ENAH: variants seen among roughly 807,000 people sequenced by gnomAD.
The protein encoded by ENAH is protein enabled homolog.
In ENAH, 23 loss-of-function variants were observed where a neutral mutation model predicts 78.7. The ratio of observed to expected loss-of-function variants is 0.29; its 90% CI spans 0.21 to 0.41. The LOEUF is 0.41. Among genes scored for constraint, ENAH ranks in the 10% least tolerant of loss-of-function variants. The probability of loss-of-function intolerance (pLI) is 1.00; values close to 1 mark genes in which losing one functional copy is unlikely to be tolerated. For synonymous variants in ENAH, 226 were observed against 241.0 expected (o/e 0.94, Z 0.58); for missense variants, 544 against 691.0 (o/e 0.79, Z 2.39).
intron 1 of ENAH, among the ~76,000 whole-genome samples, chr1:225,623,420 T>C (rs974644788): frequency 6.6e-6 from 1 of 152,078 alleles, no homozygotes; most frequent in Non-Finnish European, 1.5e-5. Context: ...ATAATTTCAC[T>C]TGTATATTCA....
At chr1:225,502,635 A>T (rs951135650) in intron 11 of ENAH, among the ~76,000 whole-genome samples, 1 of 152,234 alleles carries the variant, frequency 6.6e-6, no homozygotes, top group Admixed American at 6.5e-5. Context: ...AGAAAATTTC[A>T]TTCAATAAGC....
chr1:225,568,727 AAG>A (rs1353565839), intron 1 of ENAH, among the ~76,000 whole-genome samples: 1 of 152,172 alleles, frequency 6.6e-6, no homozygotes, highest in Non-Finnish European at 1.5e-5. Flanking sequence ...TAACCCATCC[AAG>A]AGGGATAATG....
chr1:225,556,286 T>C (rs1575515019), intron 2 of ENAH, among the ~76,000 whole-genome samples: 1 of 152,332 alleles, frequency 6.6e-6, no homozygotes, highest in South Asian at 2.1e-4. Flanking sequence ...AAATTCCAAG[T>C]AGCTTTCCAA....
chr1:225,519,549 G>T lies in ENAH; in HGVS notation c.451C>A (p.Gln151Lys). The change falls in exon 5 of 14, where the codon CAA (glutamine) becomes AAA (lysine). Residue 151 changes from glutamine to lysine, a missense_variant. Gln to Lys is a moderately conservative substitution (Grantham distance 53). This residue lies in a region of ENAH where 366 missense variants were observed against 396.1 expected (regional missense o/e 0.92). Transcript: ENST00000366843. The stretch of plus-strand genomic sequence containing the variant: ...TCCCGCTCCAGCTCCTTTTGCCGTT[G>T]CTGTTCTTGTAGTTGTCTGGAAAAA... ...EIQRRQLQEQ[Q>K]RQKELERERL... 6.2e-7 allele frequency: 1 copy of T among 1,607,282 alleles called. No individual in the cohort carries two copies.
intron 2 of ENAH, among the ~76,000 whole-genome samples, chr1:225,565,725 A>G (rs2096731479): frequency 6.6e-6 from 1 of 152,120 alleles, no homozygotes; most frequent in South Asian, 2.1e-4. Context: ...CAAAGATGAG[A>G]CAGTGCTCCC....
intron 1 of ENAH, among the ~76,000 whole-genome samples, chr1:225,645,560 T>C (rs1012949875): frequency 6.6e-6 from 1 of 152,242 alleles, no homozygotes; most frequent in Non-Finnish European, 1.5e-5. Flanking sequence ...TGCTGGGTCA[T>C]ACGATAACTC....
chr1:225,541,332 G>A (rs1426938369), intron 3 of ENAH, among the ~76,000 whole-genome samples: 1 of 152,128 alleles, frequency 6.6e-6, no homozygotes, highest in Non-Finnish European at 1.5e-5. Flanking sequence ...CTACTCAGGA[G>A]GCTGAGGCAG....
At chr1:225,612,274 A>G (rs2096994475) in intron 1 of ENAH, among the ~76,000 whole-genome samples, 1 of 152,256 alleles carries the variant, frequency 6.6e-6, no homozygotes, top group Admixed American at 6.5e-5. Context: ...TGACACTGCT[A>G]TGACACGGAT....
intron 3 of ENAH, among the ~76,000 whole-genome samples, chr1:225,545,239 C>T (rs760097520): frequency 3.3e-5 from 5 of 152,174 alleles, no homozygotes; most frequent in Non-Finnish European, 7.4e-5. Context: ...ATCTGACACA[C>T]GGCCTTTAAG....
chr1:225,513,679 C>T (rs2096394244), intron 7 of ENAH, among the ~76,000 whole-genome samples: 1 of 152,084 alleles, frequency 6.6e-6, no homozygotes, highest in Non-Finnish European at 1.5e-5. Flanking sequence ...CTGAGTTACT[C>T]TCAAATCATT....
intron 1 of ENAH, among the ~76,000 whole-genome samples, chr1:225,629,074 T>TC (rs1358121755): frequency 6.6e-6 from 1 of 150,782 alleles, no homozygotes; most frequent in African/African-American, 2.4e-5. Context: ...GGTCAAGAGT[T>TC]CGGGACCAGC....
chr1:225,618,471 G>C (rs1257481473), intron 1 of ENAH, among the ~76,000 whole-genome samples: 1 of 152,008 alleles, frequency 6.6e-6, no homozygotes, highest in African/African-American at 2.4e-5. Flanking sequence ...ACCTCTCCAA[G>C]ATAGTACAGC....
intron 1 of ENAH, among the ~76,000 whole-genome samples, chr1:225,639,742 A>G (rs1660699551): frequency 7.5e-6 from 1 of 132,784 alleles, no homozygotes; most frequent in Non-Finnish European, 1.5e-5. Flanking sequence ...ACACACACAC[A>G]CAAGAAGGAT....
At chr1:225,503,567 C>A (rs1237312299) in intron 11 of ENAH, among the ~76,000 whole-genome samples, 1 of 150,634 alleles carries the variant, frequency 6.6e-6, no homozygotes, top group African/African-American at 2.5e-5. Context: ...TGAGCCATGG[C>A]ACCCAGCCTT....
At chr1:225,598,364 G>A (rs571982865) in intron 1 of ENAH, among the ~76,000 whole-genome samples, 1 of 151,342 alleles carries the variant, frequency 6.6e-6, no homozygotes, top group South Asian at 2.1e-4. Context: ...AAGGGGGAAA[G>A]CACAAATACA....
chr1:225,522,757 ATC>A (rs2096479667), intron 4 of ENAH, among the ~76,000 whole-genome samples: 2 of 152,324 alleles, frequency 1.3e-5, no homozygotes, highest in South Asian at 4.1e-4. Context: ...GCTCTAAGCA[ATC>A]TGTTGGGCCC....
chr1:225,603,965 G>A (rs1228728634), intron 1 of ENAH, among the ~76,000 whole-genome samples: 1 of 152,202 alleles, frequency 6.6e-6, no homozygotes, highest in Non-Finnish European at 1.5e-5. Flanking sequence ...TTATTACCCA[G>A]TAGCCTTTTG....
chr1:225,564,005 A>G (rs770541207), intron 2 of ENAH, among the ~76,000 whole-genome samples: 7 of 152,192 alleles, frequency 4.6e-5, no homozygotes, highest in Non-Finnish European at 8.8e-5. Flanking sequence ...TTACTGGCAT[A>G]AAGTTTTTTA....
In ENAH at chr1:225,599,380, T is replaced by A. The variant is rs540903214; in HGVS notation, c.6-31966A>T. On this transcript the variant is annotated intron_variant, in intron 1 of 13. Transcript: ENST00000366843. ...ATCTGGGTATGGAAAGTATATTAGA[T>A]GATATTCAATTTCCAGAGTATGATA... 2.0e-5 allele frequency among the ~76,000 whole-genome samples: 3 copies of A among 152,308 alleles called. No individual in the cohort carries two copies. The South Asian group carries it at 6.2e-4, about 32-fold the overall frequency.
Sources: allele counts gnomAD v4.1 joint callset (sites outside exome capture counted in the v4.1 genomes callset), GRCh38; gene constraint gnomAD v4.1.1; regional missense constraint gnomAD v4.1.1; transcripts MANE v1.5; gene names NCBI Gene and HGNC (gene_info 2026-07-23, HGNC 2026-07-21).